The following TRPM3 variants were observed in gnomAD, a reference collection of about 807,000 sequenced individuals.
The protein encoded by TRPM3 is transient receptor potential cation channel subfamily M member 3, also known as long transient receptor potential channel 3.
Under a neutral mutation model 181.2 loss-of-function variants are expected in TRPM3, and 77 were observed. That is an observed-to-expected ratio of 0.42 (90% CI 0.35 to 0.51). The LOEUF is 0.51. TRPM3 is among the 20% of genes least tolerant of loss of function. TRPM3 has a pLI of 0.01. For synonymous variants in TRPM3, 745 were observed against 796.4 expected (o/e 0.94, Z 1.09); for missense variants, 1,759 against 2,196.7 (o/e 0.80, Z 3.98).
intron 1 of TRPM3, among the ~76,000 whole-genome samples, chr9:71,235,952 C>G (rs953753286): frequency 2.0e-5 from 3 of 152,204 alleles, no homozygotes; most frequent in Non-Finnish European, 4.4e-5. Flanking sequence ...TGCTTCATAA[C>G]TTACTTTATT....
At chr9:71,183,026 AAAAAG>A (rs1173661316) in intron 1 of TRPM3, among the ~76,000 whole-genome samples, 1 of 152,198 alleles carries the variant, frequency 6.6e-6, no homozygotes, top group Non-Finnish European at 1.5e-5. Context: ...AGTGGGGTAA[AAAAAG>A]AAAAGAAAAA....
At position 71,159,105 on chromosome 9, in the gene TRPM3, T is replaced by TAGAGAGAGAG. The variant is rs140356660; in HGVS notation, c.183+287538_183+287547dup. Among the ~76,000 whole-genome samples, 223 of 144,170 alleles carry TAGAGAGAGAG rather than the reference T, an allele frequency of 1.5e-3. 2 individuals are homozygous for TAGAGAGAGAG. The highest frequency in any genetic ancestry group is 4.4e-3 in the African/African-American group (170 of 38,802). The allele number at this position is 144,170 out of a possible 152,430, so 94.6% of individuals were successfully genotyped here. A position where few individuals can be genotyped will look rare whatever the true frequency, so the allele number is the denominator to read the frequency against. ...TGAGCCTATATTATATATATATATTTAGAGAGAGAGAGAGAGAGAGAGAGA... is the reference window on the plus strand; with the variant it reads ...TGAGCCTATATTATATATATATATTTAGAGAGAGAGAGAGAGAGAGAGAGAGAGAGAGAGA... On this transcript the variant is annotated intron_variant, in intron 1 of 24. Coordinates refer to the TRPM3 transcript ENST00000357533.
intron 1 of TRPM3, among the ~76,000 whole-genome samples, chr9:71,396,627 A>T (rs188678134): frequency 2.6e-4 from 39 of 152,134 alleles, no homozygotes; most frequent in African/African-American, 8.7e-4. Context: ...AAATCTAAAA[A>T]GTTAAAAGTC....
At chr9:71,156,360 TTA>T (rs1392645950) in intron 1 of TRPM3, among the ~76,000 whole-genome samples, 1 of 141,188 alleles carries the variant, frequency 7.1e-6, no homozygotes, top group Non-Finnish European at 1.5e-5. Flanking sequence ...TCATTAGGTA[TTA>T]TATATATACT....
intron 1 of TRPM3, among the ~76,000 whole-genome samples, chr9:71,098,535 C>T (rs994373253): frequency 1.3e-5 from 2 of 152,140 alleles, no homozygotes; most frequent in African/African-American, 2.4e-5. Context: ...GAATGCTCCC[C>T]TATCATCCAA....
At chr9:71,304,421 G>A (rs1225483046) in intron 1 of TRPM3, among the ~76,000 whole-genome samples, 1 of 152,174 alleles carries the variant, frequency 6.6e-6, no homozygotes, top group Admixed American at 6.5e-5. Context: ...AGTTGGTAAT[G>A]TAAGGACTGG....
Position 70,784,529 on chromosome 9 carries a change from A to G in TRPM3, c.974-250T>C, listed in dbSNP as rs563518277. ...TCAGGATGCTGGGGTCAGTGAAGGC[A>G]CGGGGTTCCATACTTTACAGGGGAG... is the stretch of plus-strand genomic sequence containing the variant. On this transcript the variant is annotated intron_variant, in intron 6 of 25. Transcript: ENST00000677713. Among the ~76,000 whole-genome samples the G allele has an allele frequency of 1.2e-4, 18 of 152,196 alleles. No homozygotes were observed. The South Asian group carries it at 3.7e-3, about 32-fold the overall frequency.
chr9:71,416,879 A>G (rs925208545), intron 1 of TRPM3, among the ~76,000 whole-genome samples: 1 of 152,014 alleles, frequency 6.6e-6, no homozygotes, highest in African/African-American at 2.4e-5. Flanking sequence ...CTGTCCCTCT[A>G]AATTAGACTG....
intron 16 of TRPM3, among the ~76,000 whole-genome samples, chr9:70,619,481 A>T (rs1447601401): frequency 7.5e-6 from 1 of 133,956 alleles, no homozygotes; most frequent in African/African-American, 2.8e-5. Context: ...TGGAATGATC[A>T]TGGCTCACTG....
upstream of TRPM3, among the ~76,000 whole-genome samples, chr9:71,123,749 G>A (rs565869968): frequency 1.3e-5 from 2 of 152,170 alleles, no homozygotes; most frequent in Non-Finnish European, 2.9e-5. Flanking sequence ...ATCCAGTTGC[G>A]AGATGCTGCC....
chr9:70,610,848 C>T (rs1369282053), intron 18 of TRPM3, 99 bp from the exon 19 acceptor site: 7 of 1,437,296 alleles, frequency 4.9e-6, no homozygotes, highest in African/African-American at 2.8e-5. Flanking sequence ...CTCATAGAAC[C>T]TAAGAACCCA....
intron 5 of TRPM3, among the ~76,000 whole-genome samples, chr9:70,838,099 T>C (rs1223575571): frequency 1.3e-5 from 2 of 152,202 alleles, no homozygotes; most frequent in Admixed American, 6.5e-5. Context: ...CAAGTGTTTT[T>C]ATAGAGATGA....
chr9:70,746,164 T>G (rs2134959110), intron 8 of TRPM3, among the ~76,000 whole-genome samples: 1 of 152,264 alleles, frequency 6.6e-6, no homozygotes, highest in South Asian at 2.1e-4. Flanking sequence ...GACCATCTCC[T>G]GCTTATGGTA....
chr9:71,329,279 T>C (rs936435571), intron 1 of TRPM3, among the ~76,000 whole-genome samples: 3 of 152,358 alleles, frequency 2.0e-5, no homozygotes, highest in Admixed American at 1.3e-4. Context: ...AATTAGCACC[T>C]GCAAAGAAAT....
chr9:71,165,529 C>A (rs1274123142), intron 1 of TRPM3, among the ~76,000 whole-genome samples: 1 of 152,058 alleles, frequency 6.6e-6, no homozygotes, highest in African/African-American at 2.4e-5. Context: ...AATGGTATAA[C>A]AACGTGCCAC....
chr9:71,158,624 T>C (rs1052407655), intron 1 of TRPM3, among the ~76,000 whole-genome samples: 1 of 152,142 alleles, frequency 6.6e-6, no homozygotes, highest in Admixed American at 6.6e-5. Flanking sequence ...AATGCTTCTT[T>C]GAAATTAGAA....
At chr9:70,986,821 G>T (rs985816957) in intron 1 of TRPM3, among the ~76,000 whole-genome samples, 2 of 151,822 alleles carry the variant, frequency 1.3e-5, no homozygotes, top group East Asian at 3.9e-4. Context: ...AGGAGGACAC[G>T]GTATATCAGT....
intron 1 of TRPM3, among the ~76,000 whole-genome samples, chr9:71,362,897 A>G (rs2092208398): frequency 6.6e-6 from 1 of 152,206 alleles, no homozygotes; most frequent in African/African-American, 2.4e-5. Context: ...CTTAGCAGGC[A>G]TGGGTTTGAA....
intron 1 of TRPM3, among the ~76,000 whole-genome samples, chr9:71,433,438 A>G (rs573004069): frequency 2.1e-4 from 32 of 152,312 alleles, no homozygotes; most frequent in Admixed American, 8.5e-4. Context: ...CTCTTCTGCC[A>G]TGATTGTAAG....
Sources: gnomAD v4.1 joint callset for allele counts (sites outside exome capture counted in the v4.1 genomes callset) on GRCh38, gnomAD v4.1.1 for gene constraint, MANE v1.5 for transcripts, NCBI Gene and HGNC (gene_info 2026-07-23, HGNC 2026-07-21) for gene names.